The following MDFIC2 variants were observed in gnomAD, a reference collection of about 807,000 sequenced individuals.
The protein encoded by MDFIC2 is myoD family inhibitor domain-containing protein 2.
intron 2 of MDFIC2, among the ~76,000 whole-genome samples, chr3:70,250,522 A>G (rs1701754686): frequency 6.6e-6 from 1 of 152,104 alleles, no homozygotes; most frequent in South Asian, 2.1e-4. Flanking sequence ...GCTTTTAGAT[A>G]AATATTTTCA....
Position 70,196,893 on chromosome 3 carries a change from A to G in MDFIC2, c.*33T>C, listed in dbSNP as rs1031616078. ...GTAATGGAATTTCCCACCGTGGCCAAAAGGACTGCCGGAATGTGGTTACTT... is the reference window on the plus strand; with the variant it reads ...GTAATGGAATTTCCCACCGTGGCCAGAAGGACTGCCGGAATGTGGTTACTT... On this transcript the variant is annotated 3_prime_UTR_variant, in exon 4 of 4. Transcript: ENST00000567252. The G allele has an allele frequency of 5.0e-6, 2 of 398,352 alleles. No individual in the cohort carries two copies. Among genetic ancestry groups the G allele is most frequent in the African/African-American group, 2.1e-5 (1 of 48,616 alleles). The allele number at this position is 398,352 out of a possible 1,614,324, so 24.7% of individuals were successfully genotyped here.
At chr3:70,304,103 A>G (rs927324960) in intron 2 of MDFIC2, among the ~76,000 whole-genome samples, 4 of 152,144 alleles carry the variant, frequency 2.6e-5, no homozygotes, top group African/African-American at 9.7e-5. Context: ...ACCAGGGTCT[A>G]TGAAAGGCTC....
chr3:70,266,561 A>C (rs1287709990), intron 2 of MDFIC2, among the ~76,000 whole-genome samples: 1 of 151,986 alleles, frequency 6.6e-6, no homozygotes, highest in African/African-American at 2.4e-5. Context: ...AGTAGCTGGG[A>C]CTACAGGCAC....
chr3:70,243,723 A>G (rs1290682213), intron 2 of MDFIC2, among the ~76,000 whole-genome samples: 1 of 152,116 alleles, frequency 6.6e-6, no homozygotes, highest in Non-Finnish European at 1.5e-5. Flanking sequence ...AATCACCCTC[A>G]GTTGGGCATC....
intron 2 of MDFIC2, among the ~76,000 whole-genome samples, chr3:70,263,703 G>A (rs1201728542): frequency 6.6e-6 from 1 of 152,080 alleles, no homozygotes; most frequent in Non-Finnish European, 1.5e-5. Flanking sequence ...CTTCTCTTGG[G>A]TTCTCTGCCC....
intron 3 of MDFIC2, 85 bp from the exon 4 acceptor site, chr3:70,197,270 C>T (rs1291934928): frequency 1.0e-5 from 4 of 397,558 alleles, no homozygotes; most frequent in Non-Finnish European, 1.8e-5. Context: ...TACTTGATAA[C>T]TTGATAGCCA....
intron 2 of MDFIC2, among the ~76,000 whole-genome samples, chr3:70,250,849 A>G (rs1183741067): frequency 6.6e-6 from 1 of 152,220 alleles, no homozygotes; most frequent in Non-Finnish European, 1.5e-5. Context: ...GCCAGGTTGA[A>G]TGGGCAGACT....
At chr3:70,243,863 T>C (rs1036909726) in intron 2 of MDFIC2, among the ~76,000 whole-genome samples, 1 of 152,186 alleles carries the variant, frequency 6.6e-6, no homozygotes, top group African/African-American at 2.4e-5. Context: ...TGTGGAGGAA[T>C]TGTATCACAC....
chr3:70,237,316 G>A (rs903566933), intron 2 of MDFIC2, among the ~76,000 whole-genome samples: 1 of 152,114 alleles, frequency 6.6e-6, no homozygotes, highest in Non-Finnish European at 1.5e-5. Context: ...CTCTATTAAT[G>A]AATGCTTAAA....
At chr3:70,266,922 T>C (rs547016654) in intron 2 of MDFIC2, among the ~76,000 whole-genome samples, 1 of 152,298 alleles carries the variant, frequency 6.6e-6, no homozygotes, top group African/African-American at 2.4e-5. Context: ...GGCCTGGCAA[T>C]GGGATTAGAT....
chr3:70,256,949 G>A (rs1368891353), intron 2 of MDFIC2, among the ~76,000 whole-genome samples: 2 of 152,186 alleles, frequency 1.3e-5, no homozygotes, highest in Non-Finnish European at 2.9e-5. Flanking sequence ...GGTCCACCCT[G>A]TGAAGCACAA....
intron 2 of MDFIC2, among the ~76,000 whole-genome samples, chr3:70,276,453 A>G (rs994840653): frequency 6.6e-6 from 1 of 152,088 alleles, no homozygotes; most frequent in East Asian, 1.9e-4. Flanking sequence ...GCCTCTCATT[A>G]TTTTTTTAGG....
intron 2 of MDFIC2, among the ~76,000 whole-genome samples, chr3:70,232,156 T>C (rs1229273610): frequency 6.6e-6 from 1 of 152,176 alleles, no homozygotes; most frequent in Non-Finnish European, 1.5e-5. Context: ...GCCCCAACCG[T>C]ACACTCGACA....
intron 2 of MDFIC2, among the ~76,000 whole-genome samples, chr3:70,238,473 T>C (rs1701634560): frequency 6.6e-6 from 1 of 151,844 alleles, no homozygotes; most frequent in Non-Finnish European, 1.5e-5. Flanking sequence ...ATTAGCCAGG[T>C]ATGGTGATGC....
intron 3 of MDFIC2, among the ~76,000 whole-genome samples, chr3:70,206,129 C>T (rs1414532289): frequency 6.6e-6 from 1 of 151,976 alleles, no homozygotes; most frequent in Non-Finnish European, 1.5e-5. Context: ...ATTGCTTAAT[C>T]TCATAGATTA....
At chr3:70,238,445 A>AAAAT (rs907509726) in intron 2 of MDFIC2, among the ~76,000 whole-genome samples, 1 of 151,928 alleles carries the variant, frequency 6.6e-6, no homozygotes, top group Non-Finnish European at 1.5e-5. Flanking sequence ...CCATCTCTAC[A>AAAAT]AAATAAATAA....
intron 2 of MDFIC2, among the ~76,000 whole-genome samples, chr3:70,292,870 T>G (rs73102695): frequency 0.21 from 31,352 of 151,822 alleles, 3,423 homozygotes; most frequent in South Asian, 0.28. Context: ...TTGATAGAAA[T>G]ACTATATAAT....
intron 2 of MDFIC2, among the ~76,000 whole-genome samples, chr3:70,255,280 C>T (rs1346463122): frequency 6.6e-6 from 1 of 152,130 alleles, no homozygotes; most frequent in African/African-American, 2.4e-5. Flanking sequence ...TAAAACAAAA[C>T]TTCTATGAAA....
intron 2 of MDFIC2, among the ~76,000 whole-genome samples, chr3:70,207,463 G>C (rs1472345778): frequency 1.3e-5 from 2 of 151,970 alleles, no homozygotes; most frequent in Non-Finnish European, 1.5e-5. Context: ...GGAATTTCTA[G>C]CGAAGTTCTT....
Sources: allele counts gnomAD v4.1 joint callset (sites outside exome capture counted in the v4.1 genomes callset), GRCh38; gene constraint gnomAD v4.1.1; transcripts MANE v1.5; gene names NCBI Gene and HGNC (gene_info 2026-07-23, HGNC 2026-07-21).